Variants in SI observed in about 807,000 individuals in gnomAD.
SI encodes sucrase-isomaltase.
Under a neutral mutation model 253.3 loss-of-function variants are expected in SI, and 235 were observed. The observed-to-expected ratio is 0.93, with a 90% confidence interval of 0.83 to 1.03. SI has a LOEUF of 1.03. Among genes scored for constraint, SI ranks in the 50% least tolerant of loss-of-function variants. The pLI, the probability that SI is intolerant of heterozygous loss-of-function variation, is 0.00. For missense variants in SI, 2,442 were observed against 2,211.1 expected (o/e 1.10, Z -2.09); for synonymous variants, 819 against 712.0 (o/e 1.15, Z -2.39).
At chr3:165,054,871 G>A (rs1376355805) in intron 13 of SI, among the ~76,000 whole-genome samples, 1 of 152,032 alleles carries the variant, frequency 6.6e-6, no homozygotes, top group African/African-American at 2.4e-5. Flanking sequence ...CACTGCAATA[G>A]GCTTATCACC....
the SI span, among the ~76,000 whole-genome samples, chr3:165,089,103 A>G: frequency 3.6e-5 from 5 of 139,418 alleles, no homozygotes; most frequent in African/African-American, 5.3e-5. Flanking sequence ...TTTTTAATTA[A>G]ATTGGTATAT....
chr3:164,993,903 G>T (rs966507690), intron 41 of SI, among the ~76,000 whole-genome samples: 1 of 151,568 alleles, frequency 6.6e-6, no homozygotes, highest in Non-Finnish European at 1.5e-5. Flanking sequence ...GCAGTAAACC[G>T]TGATTAATTA....
chr3:165,086,951 C>T, the SI span, among the ~76,000 whole-genome samples: 1 of 152,122 alleles, frequency 6.6e-6, no homozygotes, highest in Admixed American at 6.6e-5. Context: ...TTGTGAATCC[C>T]TCCCTTATGA....
intron 47 of SI, 57 bp from the exon 48 acceptor site, chr3:164,979,487 C>A: frequency 2.0e-6 from 2 of 976,422 alleles, no homozygotes; most frequent in South Asian, 1.3e-5. Context: ...TTCTTATTTT[C>A]ATGAATGCTA....
intron 36 of SI, 107 bp from the exon 37 acceptor site, chr3:165,007,061 A>G: frequency 1.2e-6 from 1 of 838,828 alleles, no homozygotes; most frequent in Non-Finnish European, 1.9e-6. Context: ...TCAGTGTTTT[A>G]TAAAACCTAT....
intron 3 of SI, among the ~76,000 whole-genome samples, chr3:165,072,559 G>T (rs1714654421): frequency 6.6e-6 from 1 of 151,824 alleles, no homozygotes; most frequent in African/African-American, 2.4e-5. Context: ...ATTCCTTTAT[G>T]ATTTATTTTT....
At chr3:165,046,812 A>T in intron 16 of SI, 29 bp downstream of exon 16, 1 of 1,556,304 alleles carries the variant, frequency 6.4e-7, no homozygotes. Context: ...TGTAGCTTTT[A>T]TGAGTAACAC....
intron 6 of SI, among the ~76,000 whole-genome samples, chr3:165,067,134 A>C (rs2108096610): frequency 6.6e-6 from 1 of 152,048 alleles, no homozygotes; most frequent in South Asian, 2.1e-4. Context: ...ATCTTTGTTC[A>C]ACCTTTATTT....
intron 31 of SI, among the ~76,000 whole-genome samples, chr3:165,016,485 G>A (rs9838256): frequency 6.6e-6 from 1 of 151,858 alleles, no homozygotes; most frequent in Admixed American, 6.6e-5. Flanking sequence ...TTTCCGGGAA[G>A]TATACAGCAA....
intron 38 of SI, among the ~76,000 whole-genome samples, chr3:164,997,011 G>A (rs1718042395): frequency 6.6e-6 from 1 of 151,626 alleles, no homozygotes; most frequent in Admixed American, 6.6e-5. Context: ...ACACTTGCAA[G>A]GTGACATATT....
At chr3:165,034,063 T>C (rs1712397301) in intron 22 of SI, among the ~76,000 whole-genome samples, 1 of 151,668 alleles carries the variant, frequency 6.6e-6, no homozygotes, top group South Asian at 2.1e-4. Flanking sequence ...ATAAACAGTG[T>C]TAAAATATAA....
In SI at chr3:165,049,833, C is replaced by T; in HGVS notation, c.1555G>A (p.Gly519Arg). Reference protein sequence around the residue: ...VSSFIQGSTKGCNVNKLNYPP... With the variant: ...VSSFIQGSTKRCNVNKLNYPP... Reference sequence around the variant, plus strand: ...TAATTCAATTTGTTTACATTACATCCTTTTGTTGAACCTTGAATAAAGCTG... The same window carrying T: ...TAATTCAATTTGTTTACATTACATCTTTTTGTTGAACCTTGAATAAAGCTG... Residue 519 changes from glycine (G) to arginine (R), a missense_variant, in exon 14 of 48, where the codon GGA (glycine) becomes AGA (arginine). Coordinates refer to ENST00000264382, the MANE Select transcript of SI (RefSeq NM_001041.4). The T allele has an allele frequency of 1.9e-6, 3 of 1,608,904 alleles. No homozygotes were observed. The highest frequency in any genetic ancestry group is 2.6e-6 in the Non-Finnish European group (3 of 1,176,116).
intron 13 of SI, 124 bp from the exon 14 acceptor site, chr3:165,049,999 G>A (rs1056442257): frequency 1.9e-5 from 13 of 673,684 alleles, no homozygotes; most frequent in Non-Finnish European, 3.5e-5. Flanking sequence ...ATTCCTAGAA[G>A]ATAAATATAA....
chr3:165,025,301 G>A (rs1428048054), intron 25 of SI, among the ~76,000 whole-genome samples: 1 of 150,982 alleles, frequency 6.6e-6, no homozygotes, highest in Admixed American at 6.6e-5. Flanking sequence ...TAAAGACAAA[G>A]AAAAAAGAAG....
Position 165,074,551 on chromosome 3 carries a change from G to T in SI, c.235C>A (p.Pro79Thr), listed in dbSNP as rs1169337367. Residue 79 changes from proline (P) to threonine (T), a missense_variant, in exon 3 of 48, where the codon CCA becomes ACA. Physicochemically the swap from Pro to Thr is conservative, Grantham distance 38. Transcript: ENST00000264382. ...CAGACCTCTGTTGGGAATTGTTCTG[G>T]AATGCAGTTTATTCTCACATTGACA... ...DPVNVRINCI[P>T]EQFPTEGICA... 6.2e-7 allele frequency: 1 copy of T among 1,607,616 alleles called. No homozygotes were observed. The highest frequency in any genetic ancestry group is 8.5e-7 in the Non-Finnish European group (1 of 1,176,046).
chr3:164,981,233 A>G, intron 47 of SI, among the ~76,000 whole-genome samples: 1 of 152,152 alleles, frequency 6.6e-6, no homozygotes, highest in East Asian at 1.9e-4. Context: ...AGCGAGTTGC[A>G]GTGCAAAAGC....
chr3:165,029,054 C>T (rs924783928), intron 25 of SI, among the ~76,000 whole-genome samples: 1 of 151,298 alleles, frequency 6.6e-6, no homozygotes, highest in African/African-American at 2.4e-5. Context: ...CCAGAATCTA[C>T]AACAAACTCA....
At chr3:165,059,416 G>A (rs950176307) in intron 10 of SI, 117 bp from the exon 11 acceptor site, 62 of 1,018,614 alleles carry the variant, frequency 6.1e-5, no homozygotes, top group Non-Finnish European at 6.8e-5. Flanking sequence ...ATAAATGAAC[G>A]TCCATCCTTT....
intron 25 of SI, among the ~76,000 whole-genome samples, chr3:165,024,034 A>G (rs527589661): frequency 1.3e-5 from 2 of 151,588 alleles, no homozygotes; most frequent in African/African-American, 4.8e-5. Flanking sequence ...ACATTTTTTA[A>G]CTCAAAAAAT....
Sources: gnomAD v4.1 joint callset for allele counts (sites outside exome capture counted in the v4.1 genomes callset) on GRCh38, gnomAD v4.1.1 for gene constraint, MANE v1.5 for transcripts, NCBI Gene and HGNC (gene_info 2026-07-23, HGNC 2026-07-21) for gene names.